The following DOK6 variants were observed in gnomAD, a reference collection of about 807,000 sequenced individuals.
DOK6 encodes downstream of tyrosine kinase 6.
Under a neutral mutation model 44.0 loss-of-function variants are expected in DOK6, and 22 were observed. That is an observed-to-expected ratio of 0.50 (90% CI 0.36 to 0.71). The LOEUF is 0.71. DOK6 is among the 30% of genes least tolerant of loss of function. The pLI, the probability that DOK6 is intolerant of heterozygous loss-of-function variation, is 0.00. For missense variants in DOK6, 340 were observed against 416.4 expected, an observed-to-expected ratio of 0.82 and a Z score of 1.60; for synonymous variants, 166 against 145.5, an observed-to-expected ratio of 1.14 and a Z score of -1.01.
chr18:69,708,462 C>A (rs1986684041), intron 5 of DOK6, among the ~76,000 whole-genome samples: 2 of 152,232 alleles, frequency 1.3e-5, no homozygotes, highest in South Asian at 4.1e-4. Context: ...CTATGTCCAC[C>A]TTCAGTGCTG....
intron 1 of DOK6, among the ~76,000 whole-genome samples, chr18:69,429,720 T>C (rs1371176690): frequency 6.7e-6 from 1 of 149,208 alleles, no homozygotes; most frequent in African/African-American, 2.4e-5. Flanking sequence ...TAATGCAGTG[T>C]CTGTAATTTG....
chr18:69,600,691 G>C (rs979563405), intron 3 of DOK6, among the ~76,000 whole-genome samples: 7 of 151,780 alleles, frequency 4.6e-5, no homozygotes, highest in African/African-American at 1.7e-4. Flanking sequence ...AAACTAAAAG[G>C]TAATGTTTAA....
intron 3 of DOK6, among the ~76,000 whole-genome samples, chr18:69,644,384 C>T (rs1309260323): frequency 6.6e-6 from 1 of 152,054 alleles, no homozygotes; most frequent in Admixed American, 6.6e-5. Context: ...ATACATTTTA[C>T]AGTTTTTCAT....
At chr18:69,559,000 C>T (rs1382175846) in intron 1 of DOK6, among the ~76,000 whole-genome samples, 1 of 151,586 alleles carries the variant, frequency 6.6e-6, no homozygotes, top group African/African-American at 2.4e-5. Flanking sequence ...AAAATAATAA[C>T]TTAAGGGCTT....
intron 5 of DOK6, among the ~76,000 whole-genome samples, chr18:69,720,072 C>T (rs1381949468): frequency 6.6e-6 from 1 of 152,112 alleles, no homozygotes; most frequent in African/African-American, 2.4e-5. Flanking sequence ...CCTTGTAGTC[C>T]CAGCCACTCA....
chr18:69,561,894 AATTAT>A (rs370695456), intron 1 of DOK6, among the ~76,000 whole-genome samples: 98 of 152,256 alleles, frequency 6.4e-4, no homozygotes, highest in African/African-American at 2.3e-3. Flanking sequence ...ACTTCAAAGG[AATTAT>A]ATTATCTAGG....
At chr18:69,584,737 G>A (rs901418237) in intron 2 of DOK6, among the ~76,000 whole-genome samples, 1 of 151,850 alleles carries the variant, frequency 6.6e-6, no homozygotes, top group Non-Finnish European at 1.5e-5. Context: ...ATCTGGAAAT[G>A]GGCTCTTGGA....
At chr18:69,835,133 T>C (rs1982007260) in intron 7 of DOK6, among the ~76,000 whole-genome samples, 1 of 152,114 alleles carries the variant, frequency 6.6e-6, no homozygotes, top group Non-Finnish European at 1.5e-5. Context: ...CAAGAGGAGA[T>C]TTGGGTGAGG....
In DOK6 at chr18:69,502,911, C is replaced by T. The variant is rs1328763482; in HGVS notation, c.67-61576C>T. Among the ~76,000 whole-genome samples the T allele has an allele frequency of 5.9e-5, 9 of 152,038 alleles. No homozygotes were observed. In the East Asian group the frequency reaches 1.7e-3, roughly 29 times the overall value. On this transcript the variant is annotated intron_variant, in intron 1 of 7. Transcript: ENST00000382713. ...GATATAGAAAGTTCTGTAGTGTGCG[C>T]TCTTATAGATGGAGCCGTTACATTT...
intron 7 of DOK6, among the ~76,000 whole-genome samples, chr18:69,840,705 C>G (rs551478497): frequency 5.9e-5 from 9 of 152,140 alleles, no homozygotes; most frequent in Non-Finnish European, 1.0e-4. Flanking sequence ...ACTCACACAC[C>G]GGCTAGGATA....
At chr18:69,440,243 GT>G (rs1369160151) in intron 1 of DOK6, among the ~76,000 whole-genome samples, 6 of 152,070 alleles carry the variant, frequency 3.9e-5, no homozygotes, top group African/African-American at 1.4e-4. Flanking sequence ...AATTATAATA[GT>G]GATATCAAAG....
In DOK6 at chr18:69,677,970, C is replaced by T. The variant is rs1048309625; in HGVS notation, c.409+117C>T. 8.5e-6 allele frequency: 12 copies of T among 1,410,638 alleles called. No individual in the cohort carries two copies. In the South Asian group the frequency reaches 1.0e-4, roughly 12 times the overall value. The allele number at this position is 1,410,638 out of a possible 1,614,324, so 87.4% of individuals were successfully genotyped here. ...ATCATATTTTTTAAATCAAAAAGGC[C>T]GAGTGCAGTGGCGCAAACCTGTAAT... is the stretch of plus-strand genomic sequence containing the variant. On this transcript the variant is annotated intron_variant, in intron 4 of 7. Transcript: ENST00000382713.
At chr18:69,820,004 C>T (rs1319146061) in intron 7 of DOK6, among the ~76,000 whole-genome samples, 1 of 152,152 alleles carries the variant, frequency 6.6e-6, no homozygotes, top group East Asian at 1.9e-4. Context: ...GGGCCACATT[C>T]GTAGCTGTCC....
intron 5 of DOK6, among the ~76,000 whole-genome samples, chr18:69,728,323 A>AT (rs34679386): frequency 0.33 from 50,227 of 151,850 alleles, 8,388 homozygotes; most frequent in Middle Eastern, 0.48. Flanking sequence ...ATGCTTTCTA[A>AT]TTTTTTTCCC....
chr18:69,750,022 T>C (rs1431359582), intron 6 of DOK6, among the ~76,000 whole-genome samples: 1 of 148,214 alleles, frequency 6.7e-6, no homozygotes, highest in African/African-American at 2.5e-5. Flanking sequence ...TGAATTTGGC[T>C]GAAAATAAGG....
chr18:69,696,086 C>T (rs1377554256), intron 4 of DOK6, among the ~76,000 whole-genome samples: 1 of 152,088 alleles, frequency 6.6e-6, no homozygotes, highest in Non-Finnish European at 1.5e-5. Context: ...GAGACGGAGA[C>T]AGAGATAGAG....
rs959202283 is a variant in DOK6 at position 69,498,059 on chromosome 18, TAC to T, written c.67-66416_67-66415del. ...CTCTCTCTCTCCACGCACACACAAATACACACACACACAGACACACAAAAAAT... is the reference window on the plus strand; with the variant it reads ...CTCTCTCTCTCCACGCACACACAAATACACACACACAGACACACAAAAAAT... On this transcript the variant is annotated intron_variant, in intron 1 of 7. Coordinates refer to ENST00000382713, the MANE Select transcript of DOK6 (RefSeq NM_152721.6). Among the ~76,000 whole-genome samples the T allele has an allele frequency of 2.6e-4, 39 of 151,114 alleles. 1 individual carries two copies. In the South Asian group the frequency reaches 6.9e-3, roughly 27 times the overall value.
chr18:69,424,729 T>C (rs1480713712), intron 1 of DOK6, among the ~76,000 whole-genome samples: 5 of 152,208 alleles, frequency 3.3e-5, no homozygotes, highest in African/African-American at 4.8e-5. Flanking sequence ...AAGCCACATG[T>C]AGATCTTTAA....
At chr18:69,406,903 A>T (rs921711658) in intron 1 of DOK6, among the ~76,000 whole-genome samples, 3 of 152,168 alleles carry the variant, frequency 2.0e-5, no homozygotes, top group African/African-American at 7.2e-5. Flanking sequence ...CAACATTGTG[A>T]AACCTCGTCT....
Sources: gnomAD v4.1 joint callset for allele counts (sites outside exome capture counted in the v4.1 genomes callset) on GRCh38, gnomAD v4.1.1 for gene constraint, MANE v1.5 for transcripts, NCBI Gene and HGNC (gene_info 2026-07-23, HGNC 2026-07-21) for gene names.